CNTN6: variants seen among roughly 807,000 people sequenced by gnomAD.
CNTN6 encodes the protein contactin-6.
In CNTN6, 137 loss-of-function variants were observed where a neutral mutation model predicts 122.8. The ratio of observed to expected loss-of-function variants is 1.12; its 90% confidence interval spans 0.97 to 1.29. The LOEUF is 1.29. Among genes scored for constraint, CNTN6 ranks in the 50% most tolerant of loss-of-function variants. The pLI, the probability that CNTN6 is intolerant of heterozygous loss-of-function variation, is 0.00. For missense variants in CNTN6, 1,634 were observed against 1,223.4 expected, an observed-to-expected ratio of 1.34 and a Z score of -5.01; for synonymous variants, 570 against 426.0, an observed-to-expected ratio of 1.34 and a Z score of -4.16.
intron 4 of CNTN6, among the ~76,000 whole-genome samples, chr3:1,232,519 G>T (rs181138168): frequency 6.6e-6 from 1 of 152,352 alleles, no homozygotes; most frequent in African/African-American, 2.4e-5. Flanking sequence ...GGCAGGCATT[G>T]TTCCAAACTC....
chr3:1,397,305 A>T (rs992826204), intron 20 of CNTN6, among the ~76,000 whole-genome samples: 1 of 152,204 alleles, frequency 6.6e-6, no homozygotes, highest in Non-Finnish European at 1.5e-5. Flanking sequence ...GTACATAAGG[A>T]GCATCTATAT....
At chr3:1,336,090 T>C (rs1283550547) in intron 11 of CNTN6, among the ~76,000 whole-genome samples, 1 of 150,814 alleles carries the variant, frequency 6.6e-6, no homozygotes, top group African/African-American at 2.4e-5. Flanking sequence ...AATCCCTGAA[T>C]CTTTGGTAAT....
At chr3:1,150,784 G>A (rs1391059690) in intron 2 of CNTN6, among the ~76,000 whole-genome samples, 1 of 152,172 alleles carries the variant, frequency 6.6e-6, no homozygotes, top group Non-Finnish European at 1.5e-5. Flanking sequence ...GGATTTTGCA[G>A]ATGTGATTAA....
intron 12 of CNTN6, among the ~76,000 whole-genome samples, chr3:1,358,398 CTCT>C (rs964041619): frequency 1.3e-5 from 2 of 151,052 alleles, no homozygotes; most frequent in African/African-American, 2.4e-5. Context: ...AATTAGGCTA[CTCT>C]TCTTCTTAGG....
chr3:1,260,327 C>T (rs1376590153), intron 4 of CNTN6, among the ~76,000 whole-genome samples: 1 of 152,022 alleles, frequency 6.6e-6, no homozygotes, highest in Non-Finnish European at 1.5e-5. Flanking sequence ...TCCAGAGGCT[C>T]CATCAGTACT....
intron 4 of CNTN6, among the ~76,000 whole-genome samples, chr3:1,245,019 C>T (rs1194606718): frequency 6.7e-6 from 1 of 149,062 alleles, no homozygotes; most frequent in Non-Finnish European, 1.5e-5. Flanking sequence ...TCTTCAGTTA[C>T]TTCAGGCCAT....
intron 4 of CNTN6, among the ~76,000 whole-genome samples, chr3:1,248,961 G>T (rs927763092): frequency 6.6e-6 from 1 of 152,130 alleles, no homozygotes. Context: ...CAAATTTAAT[G>T]TGCACAGGAA....
At chr3:1,398,430 AC>A (rs1193199281) in intron 20 of CNTN6, among the ~76,000 whole-genome samples, 27 of 152,182 alleles carry the variant, frequency 1.8e-4, no homozygotes, top group Admixed American at 1.8e-3. Context: ...CTTTCTAAAA[AC>A]ATATCAAGCA....
chr3:1,351,291 A>G (rs947059901), intron 11 of CNTN6, among the ~76,000 whole-genome samples: 1 of 151,954 alleles, frequency 6.6e-6, no homozygotes, highest in Non-Finnish European at 1.5e-5. Context: ...AGCAAATACT[A>G]TTTTGTTATT....
chr3:1,373,862 T>A (rs575480703), intron 15 of CNTN6, 62 bp from the exon 16 acceptor site: 2 of 1,489,132 alleles, frequency 1.3e-6, no homozygotes, highest in Admixed American at 2.2e-5. Flanking sequence ...TATATAATTT[T>A]GTACAATTAT....
intron 1 of CNTN6, among the ~76,000 whole-genome samples, chr3:1,121,474 T>A (rs2091947641): frequency 6.6e-6 from 1 of 151,860 alleles, no homozygotes; most frequent in African/African-American, 2.4e-5. Flanking sequence ...TATGATTTCA[T>A]CACATTAAAA....
At chr3:1,099,323 C>G (rs547636439) in intron 1 of CNTN6, among the ~76,000 whole-genome samples, 11 of 151,630 alleles carry the variant, frequency 7.3e-5, no homozygotes, top group Non-Finnish European at 1.5e-4. Context: ...TGGTGGCGGG[C>G]GCCTGTAGTC....
intron 1 of CNTN6, among the ~76,000 whole-genome samples, chr3:1,108,747 G>T (rs1408210279): frequency 3.9e-5 from 6 of 151,966 alleles, no homozygotes; most frequent in Admixed American, 6.6e-5. Flanking sequence ...CGTTTAAGTT[G>T]AAAAGTACTG....
At chr3:1,175,164 C>T (rs1388494814) in intron 2 of CNTN6, among the ~76,000 whole-genome samples, 2 of 137,678 alleles carry the variant, frequency 1.5e-5, no homozygotes, top group East Asian at 4.0e-4. Flanking sequence ...GGTGGGAGGC[C>T]CAGACTACGG....
chr3:1,177,972 C>T (rs887901714), intron 2 of CNTN6, among the ~76,000 whole-genome samples: 1 of 151,044 alleles, frequency 6.6e-6, no homozygotes, highest in Admixed American at 6.6e-5. Context: ...GCAATCTCCG[C>T]TCACTGCAAC....
At chr3:1,312,431 A>C (rs986903947) in intron 7 of CNTN6, among the ~76,000 whole-genome samples, 1 of 151,990 alleles carries the variant, frequency 6.6e-6, no homozygotes, top group Non-Finnish European at 1.5e-5. Flanking sequence ...AGTAATTGGC[A>C]GTTTACAGTA....
At chr3:1,107,991 T>G (rs2091304438) in intron 1 of CNTN6, among the ~76,000 whole-genome samples, 1 of 152,060 alleles carries the variant, frequency 6.6e-6, no homozygotes, top group Non-Finnish European at 1.5e-5. Context: ...ATAAATATAA[T>G]TATAATTAAG....
At chr3:1,192,889 A>G (rs2093722642) in intron 2 of CNTN6, among the ~76,000 whole-genome samples, 1 of 152,180 alleles carries the variant, frequency 6.6e-6, no homozygotes, top group Non-Finnish European at 1.5e-5. Context: ...TCACCCACAC[A>G]GCAATTAAAC....
rs576097183 is a variant in CNTN6, at chr3:1,300,727, G to A, written c.761+2736G>A. On this transcript the variant is annotated intron_variant, in intron 7 of 22. Coordinates refer to ENST00000446702, the MANE Select transcript of CNTN6 (RefSeq NM_001289080.2). The stretch of plus-strand genomic sequence containing the variant: ...TCAAACCTATAGAAAAGTTGAAAGA[G>A]TAACACACGGACATCATATACTCTA... 8.7e-4 allele frequency among the ~76,000 whole-genome samples: 132 copies of A among 152,078 alleles called. 2 individuals are homozygous for A. In the South Asian group the frequency reaches 0.027, roughly 31 times the overall value.
Sources: gnomAD v4.1 joint callset for allele counts (sites outside exome capture counted in the v4.1 genomes callset) on GRCh38, gnomAD v4.1.1 for gene constraint, MANE v1.5 for transcripts, NCBI Gene and HGNC (gene_info 2026-07-23, HGNC 2026-07-21) for gene names.